SDCCAG8: variants seen among roughly 807,000 people sequenced by gnomAD.
SDCCAG8 encodes SHH signaling and ciliogenesis regulator SDCCAG8, also known as serologically defined colon cancer antigen 8.
A neutral mutation model predicts 101.8 loss-of-function variants in SDCCAG8; 74 were observed. That is an observed-to-expected ratio of 0.73 (90% CI 0.60 to 0.88). SDCCAG8 has a LOEUF of 0.88. Ranked by LOEUF, SDCCAG8 falls within the 40% of genes least tolerant of loss-of-function variation. SDCCAG8 has a pLI of 0.00. For synonymous variants in SDCCAG8, 281 were observed against 292.9 expected (o/e 0.96, Z 0.41); for missense variants, 787 against 822.6 (o/e 0.96, Z 0.53).
chr1:243,468,311 G>T (rs192336364), intron 16 of SDCCAG8, among the ~76,000 whole-genome samples: 2 of 150,958 alleles, frequency 1.3e-5, no homozygotes, highest in Admixed American at 6.6e-5. Flanking sequence ...TCCGCCTCCC[G>T]GGTTCAAGCA....
intron 4 of SDCCAG8, among the ~76,000 whole-genome samples, chr1:243,278,197 C>T (rs759229253): frequency 1.4e-4 from 22 of 152,122 alleles, no homozygotes; most frequent in Admixed American, 8.5e-4. Context: ...AATAGATCTT[C>T]TACAAATTTT....
chr1:243,276,930 C>T (rs2068621532), intron 4 of SDCCAG8, among the ~76,000 whole-genome samples: 1 of 152,112 alleles, frequency 6.6e-6, no homozygotes, highest in Admixed American at 6.6e-5. Context: ...GCCTATTATA[C>T]TTAGTAATAT....
intron 16 of SDCCAG8, among the ~76,000 whole-genome samples, chr1:243,459,520 T>TCC (rs1658605335): frequency 1.3e-5 from 2 of 150,728 alleles, no homozygotes; most frequent in African/African-American, 4.9e-5. Context: ...GGGTGGGGGG[T>TCC]GGAAATAATT....
At chr1:243,432,171 A>G (rs1019235939) in intron 16 of SDCCAG8, among the ~76,000 whole-genome samples, 2 of 152,248 alleles carry the variant, frequency 1.3e-5, no homozygotes, top group African/African-American at 4.8e-5. Context: ...GTGCTTGAAA[A>G]TAGAAGCCTG....
intron 12 of SDCCAG8, among the ~76,000 whole-genome samples, chr1:243,354,449 T>C (rs1161736406): frequency 6.6e-6 from 1 of 152,140 alleles, no homozygotes; most frequent in Non-Finnish European, 1.5e-5. Context: ...TTGTAAAGAG[T>C]TAAGTTTACT....
At chr1:243,294,925 A>C (rs1190238257) in intron 6 of SDCCAG8, among the ~76,000 whole-genome samples, 1 of 152,172 alleles carries the variant, frequency 6.6e-6, no homozygotes. Context: ...CCAGGGGAAG[A>C]TAGAATGAAT....
intron 1 of SDCCAG8, chr1:243,267,116 A>AG: frequency 6.4e-6 from 1 of 156,004 alleles, no homozygotes; most frequent in Non-Finnish European, 1.4e-5. Context: ...GGTGGCGTGT[A>AG]ACTGTAGTCC....
At chr1:243,386,424 G>A (rs921051543) in intron 13 of SDCCAG8, among the ~76,000 whole-genome samples, 2 of 152,146 alleles carry the variant, frequency 1.3e-5, no homozygotes, top group Non-Finnish European at 1.5e-5. Context: ...TCTTCCGGCC[G>A]GGCGCGGTGG....
chr1:243,299,895 C>T (rs562459592), intron 6 of SDCCAG8, among the ~76,000 whole-genome samples: 1 of 144,416 alleles, frequency 6.9e-6, no homozygotes, highest in Non-Finnish European at 1.5e-5. Flanking sequence ...GACGGAGTCT[C>T]ACTCTGTTGC....
intron 13 of SDCCAG8, among the ~76,000 whole-genome samples, chr1:243,411,246 C>A (rs945254767): frequency 6.6e-6 from 1 of 151,976 alleles, no homozygotes; most frequent in South Asian, 2.1e-4. Flanking sequence ...CCTTGAGTAG[C>A]TGGCACTACA....
chr1:243,300,460 C>G (rs2071391384), intron 6 of SDCCAG8, among the ~76,000 whole-genome samples: 2 of 152,152 alleles, frequency 1.3e-5, no homozygotes, highest in South Asian at 2.1e-4. Context: ...TGATTTAAGA[C>G]TCAATTCTGA....
At chr1:243,378,931 A>G in intron 13 of SDCCAG8, 68 bp downstream of exon 13, 1 of 1,596,262 alleles carries the variant, frequency 6.3e-7, no homozygotes, top group Non-Finnish European at 8.6e-7. Context: ...ACAGGCTTCC[A>G]AACAGTTGTT....
chr1:243,281,756 A>C (rs573653200), intron 4 of SDCCAG8, among the ~76,000 whole-genome samples: 2 of 148,258 alleles, frequency 1.3e-5, no homozygotes, highest in South Asian at 4.2e-4. Flanking sequence ...CAGTCCTCCT[A>C]CCGCCTCCCT....
At chr1:243,267,255 A>AG in intron 1 of SDCCAG8, 1 of 194,928 alleles carries the variant, frequency 5.1e-6, no homozygotes, top group Non-Finnish European at 1.0e-5. Flanking sequence ...AAAAAAAAAA[A>AG]AGAAATATAC....
chr1:243,316,685 C>G (rs1294526946), intron 8 of SDCCAG8, 70 bp from the exon 9 acceptor site: 2 of 1,590,874 alleles, frequency 1.3e-6, no homozygotes, highest in Non-Finnish European at 8.6e-7. Flanking sequence ...TAATGCTTTT[C>G]TCTCCCTGAC....
intron 10 of SDCCAG8, among the ~76,000 whole-genome samples, chr1:243,336,895 T>C (rs564928918): frequency 1.3e-5 from 2 of 152,312 alleles, no homozygotes; most frequent in Middle Eastern, 3.4e-3. Flanking sequence ...TTCTGGATAT[T>C]AGGCCTTTGT....
chr1:243,445,164 C>T (rs908582234), intron 16 of SDCCAG8, among the ~76,000 whole-genome samples: 1 of 152,136 alleles, frequency 6.6e-6, no homozygotes, highest in African/African-American at 2.4e-5. Flanking sequence ...TTTTAAGGAG[C>T]TCTGCCTGTC....
chr1:243,317,039 GAATT>G (rs2073312249), intron 9 of SDCCAG8, 146 bp downstream of exon 9: 2 of 863,464 alleles, frequency 2.3e-6, no homozygotes, highest in Admixed American at 5.4e-5. Context: ...TGACTTTTCT[GAATT>G]AAACAAATTT....
At chr1:243,378,404 G>A (rs919848043) in intron 12 of SDCCAG8, among the ~76,000 whole-genome samples, 19 of 152,002 alleles carry the variant, frequency 1.2e-4, no homozygotes, top group Admixed American at 7.9e-4. Context: ...ACTTTTTAAA[G>A]GCAGTGGTAT....
Sources: gnomAD v4.1 joint callset for allele counts (sites outside exome capture counted in the v4.1 genomes callset) on GRCh38, gnomAD v4.1.1 for gene constraint, MANE v1.5 for transcripts, NCBI Gene and HGNC (gene_info 2026-07-23, HGNC 2026-07-21) for gene names.